The following DNAH14 variants were observed in gnomAD, a reference collection of about 807,000 sequenced individuals.
The protein encoded by DNAH14 is axonemal beta dynein heavy chain 14.
DNAH14 carries 478 observed loss-of-function variants against 520.9 expected under a neutral mutation model. The ratio of observed to expected loss-of-function variants is 0.92; its 90% confidence interval spans 0.85 to 0.99. DNAH14 has a LOEUF of 0.99. Ranked by LOEUF, DNAH14 falls within the 50% of genes least tolerant of loss-of-function variation. DNAH14 has a pLI of 0.00. For missense variants in DNAH14, 4,831 were observed against 5,234.5 expected (o/e 0.92, Z 2.38); for synonymous variants, 1,581 against 1,757.2 (o/e 0.90, Z 2.51).
At position 224,931,684 on chromosome 1, in the gene DNAH14, A is replaced by T. The variant is rs998820887; in HGVS notation, c.-34+1849A>T. Among the ~76,000 whole-genome samples the T allele has an allele frequency of 2.6e-5, 4 of 152,160 alleles. No individual in the cohort carries two copies. In the East Asian group the frequency reaches 5.8e-4, roughly 22 times the overall value. The stretch of plus-strand genomic sequence containing the variant: ...ATTTTATTCAAATTTTGTAGCTCCC[A>T]CATATAAGTGAGAACATGATATTTA... On this transcript the variant is annotated intron_variant, in intron 1 of 85. Coordinates refer to ENST00000682510, the MANE Select transcript of DNAH14 (RefSeq NM_001367479.1).
intron 10 of DNAH14, among the ~76,000 whole-genome samples, chr1:225,012,165 G>T (rs555141117): frequency 1.3e-5 from 2 of 152,068 alleles, no homozygotes; most frequent in Non-Finnish European, 2.9e-5. Flanking sequence ...AAATCCCTCA[G>T]CATTTGCTTG....
chr1:225,071,069 G>C (rs1237007741), intron 17 of DNAH14, among the ~76,000 whole-genome samples: 2 of 152,162 alleles, frequency 1.3e-5, no homozygotes, highest in African/African-American at 4.8e-5. Context: ...TAGCCTATGT[G>C]TGTCATTGCA....
chr1:224,933,133 G>C (rs1411705800), intron 1 of DNAH14, among the ~76,000 whole-genome samples: 1 of 152,008 alleles, frequency 6.6e-6, no homozygotes, highest in Non-Finnish European at 1.5e-5. Flanking sequence ...TTTCTATGTA[G>C]AGATCTTTTA....
At chr1:224,945,560 G>A (rs1468562118) in intron 1 of DNAH14, among the ~76,000 whole-genome samples, 10 of 152,326 alleles carry the variant, frequency 6.6e-5, no homozygotes, top group African/African-American at 2.2e-4. Context: ...GAGGAGGCAA[G>A]GCACTCTGAT....
chr1:225,100,766 AAAT>A lies in DNAH14; in HGVS notation c.3753_3755del (p.Ile1251del), dbSNP rs2075378237. 1.3e-6 allele frequency: 2 copies of A among 1,539,432 alleles called. No homozygotes were observed. The highest frequency in any genetic ancestry group is 2.5e-5 in the East Asian group (1 of 40,632). On this transcript the variant is annotated inframe_deletion, in exon 23 of 86. Transcript: ENST00000682510. Reference sequence around the variant, plus strand: ...TCTCAAGTGATTTCCATGTGGAAAAAAATAATGTCAAAAATACAAAACAAACAG... The same window carrying A: ...TCTCAAGTGATTTCCATGTGGAAAAAAATGTCAAAAATACAAAACAAACAG...
chr1:225,129,638 C>T (rs1278654654), intron 27 of DNAH14, among the ~76,000 whole-genome samples: 19 of 151,976 alleles, frequency 1.3e-4, no homozygotes, highest in Admixed American at 2.0e-4. Flanking sequence ...AAACTGGATC[C>T]CTTCCTTACA....
intron 36 of DNAH14, among the ~76,000 whole-genome samples, chr1:225,182,650 T>G (rs1004971862): frequency 1.3e-5 from 2 of 152,114 alleles, no homozygotes; most frequent in African/African-American, 2.4e-5. Context: ...CAGGGAAAGA[T>G]TCTGTCCACT....
chr1:225,135,804 A>G (rs1203503125), intron 27 of DNAH14, among the ~76,000 whole-genome samples: 1 of 152,084 alleles, frequency 6.6e-6, no homozygotes, highest in Non-Finnish European at 1.5e-5. Context: ...ATCTCTTTGT[A>G]GGTCTCTAAG....
chr1:225,389,459 C>G (rs976538362), intron 82 of DNAH14, among the ~76,000 whole-genome samples: 1 of 152,228 alleles, frequency 6.6e-6, no homozygotes, highest in Non-Finnish European at 1.5e-5. Flanking sequence ...TCAAAAACAA[C>G]GGACAAGATT....
At chr1:225,205,906 G>T in intron 39 of DNAH14, 65 bp from the exon 40 acceptor site, 1 of 1,339,278 alleles carries the variant, frequency 7.5e-7, no homozygotes. Flanking sequence ...TAGAAAATTA[G>T]CAAGATTGTA....
chr1:225,140,024 G>A (rs892958854), intron 27 of DNAH14, among the ~76,000 whole-genome samples: 7 of 152,130 alleles, frequency 4.6e-5, no homozygotes, highest in African/African-American at 1.2e-4. Flanking sequence ...CTCCTATCTC[G>A]ATCTGGAAAA....
intron 42 of DNAH14, among the ~76,000 whole-genome samples, chr1:225,231,981 G>T (rs929303082): frequency 6.6e-6 from 1 of 151,926 alleles, no homozygotes; most frequent in South Asian, 2.1e-4. Context: ...CATAGAAAAA[G>T]CATATTATTT....
chr1:225,331,119 GA>G (rs2094787674), intron 64 of DNAH14, among the ~76,000 whole-genome samples: 1 of 151,492 alleles, frequency 6.6e-6, no homozygotes, highest in Non-Finnish European at 1.5e-5. Context: ...CATTTTCTTA[GA>G]AAAAGAATCT....
intron 17 of DNAH14, among the ~76,000 whole-genome samples, chr1:225,075,588 G>A (rs565068144): frequency 8.5e-5 from 13 of 152,066 alleles, no homozygotes; most frequent in African/African-American, 1.2e-4. Flanking sequence ...TTTAACCTGG[G>A]TGTGGTGGTG....
intron 36 of DNAH14, among the ~76,000 whole-genome samples, chr1:225,174,057 A>G (rs2083031522): frequency 1.3e-5 from 2 of 152,138 alleles, no homozygotes; most frequent in Non-Finnish European, 2.9e-5. Flanking sequence ...TGGGAATTGA[A>G]CAATGAGAAC....
chr1:225,144,389 G>T lies in DNAH14; in HGVS notation c.4509-8G>T. 6.5e-7 allele frequency: 1 copy of T among 1,530,984 alleles called. No homozygotes were observed. The highest frequency in any genetic ancestry group is 8.8e-7 in the Non-Finnish European group (1 of 1,131,144). The allele number at this position is 1,530,984 out of a possible 1,614,324, so 94.8% of individuals were successfully genotyped here. On this transcript the variant is annotated splice_polypyrimidine_tract_variant and splice_region_variant and intron_variant, in intron 28 of 85. Transcript: ENST00000682510. ...AAATAATATGAACATTTAAAATTTG[G>T]CTTTCAGACATTTGCAATATAAATG...
chr1:225,346,178 A>G lies in DNAH14; in HGVS notation c.10895A>G (p.Asp3632Gly). 6.4e-7 allele frequency: 1 copy of G among 1,551,596 alleles called. No homozygotes were observed. Among genetic ancestry groups the G allele is most frequent in the South Asian group, 1.2e-5 (1 of 84,050 alleles). Residue 3632 changes from aspartate to glycine, a missense_variant, in exon 70 of 86, where the codon GAC becomes GGC. Asp to Gly is a moderately conservative substitution (Grantham distance 94). Coordinates refer to ENST00000682510, the MANE Select transcript of DNAH14 (RefSeq NM_001367479.1). ...AACTACATGTACCAGTTCTCCCTAG[A>G]CTGGTTTCATCAGGTTTTTGTTTCA... ...QINYMYQFSL[D>G]WFHQVFVSSV...
In DNAH14 at chr1:224,949,285, T is replaced by A. The variant is rs1342914834; in HGVS notation, c.-33-3385T>A. The stretch of plus-strand genomic sequence containing the variant: ...ACCATTAGGATCTCTTCCTTGTCTT[T>A]GGCATTCTGCAGTTTCACTATGTTG... On this transcript the variant is annotated intron_variant, in intron 1 of 85. Transcript: ENST00000682510. Among the ~76,000 whole-genome samples, 7 of 152,136 alleles carry A rather than the reference T, an allele frequency of 4.6e-5. No individual in the cohort carries two copies. In the South Asian group the frequency reaches 6.2e-4, roughly 14 times the overall value.
Position 224,955,451 on chromosome 1 carries a change from A to G in DNAH14, c.217+353A>G, listed in dbSNP as rs141626633. ...GTTCTCCTAAGTCCCCAGTGCCTCTAGCTGTATTGTGACCTCCTTTATTGG... is the reference window on the plus strand; with the variant it reads ...GTTCTCCTAAGTCCCCAGTGCCTCTGGCTGTATTGTGACCTCCTTTATTGG... On this transcript the variant is annotated intron_variant, in intron 3 of 85. Transcript: ENST00000682510. Among the ~76,000 whole-genome samples, 40 of 152,266 alleles carry G rather than the reference A, an allele frequency of 2.6e-4. No individual in the cohort carries two copies. The East Asian group carries it at 7.3e-3, about 28-fold the overall frequency.
Sources: allele counts gnomAD v4.1 joint callset (sites outside exome capture counted in the v4.1 genomes callset), GRCh38; gene constraint gnomAD v4.1.1; transcripts MANE v1.5; gene names NCBI Gene and HGNC (gene_info 2026-07-23, HGNC 2026-07-21).